Variants in CDH23 observed in about 807,000 individuals in gnomAD.
CDH23 encodes the protein cadherin-23.
In CDH23, 189 loss-of-function variants were observed where a neutral mutation model predicts 317.1. The observed-to-expected ratio is 0.60, with a 90% confidence interval of 0.53 to 0.67. The LOEUF is 0.67. CDH23 is among the 30% of genes least tolerant of loss of function. The pLI is 0.00. For missense variants in CDH23, 4,401 were observed against 4,592.4 expected (o/e 0.96, Z 1.20); for synonymous variants, 1,839 against 1,876.8 (o/e 0.98, Z 0.52).
At chr10:71,556,516 G>C (rs905650373) in intron 6 of CDH23, among the ~76,000 whole-genome samples, 4 of 151,908 alleles carry the variant, frequency 2.6e-5, no homozygotes, top group Admixed American at 2.6e-4. Flanking sequence ...CAGGAGAATT[G>C]CTTGAACCTG....
Position 71,580,092 on chromosome 10 carries a change from C to G in CDH23, c.832+2100C>G, listed in dbSNP as rs146988319. Among the ~76,000 whole-genome samples the G allele has an allele frequency of 1.0e-3, 154 of 152,342 alleles. 1 individual carries two copies. The East Asian group carries it at 0.026, about 26-fold the overall frequency. ...CCATCCTCCAGGGCGCTGGCCCATT[C>G]CAGGTTCATGCTGGGTGCCAGGCTG... On this transcript the variant is annotated intron_variant, in intron 9 of 69. Transcript: ENST00000224721.
At chr10:71,585,817 T>A (rs957676736) in intron 9 of CDH23, among the ~76,000 whole-genome samples, 1 of 152,232 alleles carries the variant, frequency 6.6e-6, no homozygotes, top group African/African-American at 2.4e-5. Context: ...TGATTCCCTG[T>A]TCTTCCTCTC....
At chr10:71,604,303 G>T (rs1170703046) in intron 9 of CDH23, among the ~76,000 whole-genome samples, 1 of 152,112 alleles carries the variant, frequency 6.6e-6, no homozygotes, top group Non-Finnish European at 1.5e-5. Flanking sequence ...TAAATAAAAA[G>T]AATTTTAAAA....
chr10:71,667,249 C>T (rs2132646684), intron 14 of CDH23, among the ~76,000 whole-genome samples: 1 of 152,252 alleles, frequency 6.6e-6, no homozygotes, highest in East Asian at 1.9e-4. Flanking sequence ...CTGTGGTCTG[C>T]AGGGACAGAC....
At chr10:71,653,534 C>T (rs920529239) in intron 14 of CDH23, among the ~76,000 whole-genome samples, 2 of 152,230 alleles carry the variant, frequency 1.3e-5, no homozygotes, top group Admixed American at 1.3e-4. Context: ...AGTTCACTGC[C>T]TGTCTTAGTC....
chr10:71,788,059 T>A (rs1399672257), intron 44 of CDH23, among the ~76,000 whole-genome samples: 1 of 152,216 alleles, frequency 6.6e-6, no homozygotes, highest in African/African-American at 2.4e-5. Flanking sequence ...TCTGTTGTTT[T>A]TTTCTTGAGA....
At chr10:71,660,626 A>T (rs75120642) in intron 14 of CDH23, among the ~76,000 whole-genome samples, 3 of 152,120 alleles carry the variant, frequency 2.0e-5, no homozygotes, top group African/African-American at 7.2e-5. Context: ...TTCGTCTCAC[A>T]TGGCTGTGCT....
intron 3 of CDH23, among the ~76,000 whole-genome samples, chr10:71,471,463 C>T (rs939865830): frequency 3.9e-5 from 6 of 152,146 alleles, no homozygotes; most frequent in Non-Finnish European, 7.3e-5. Context: ...TTCCCAGGCA[C>T]GCACCCTCTG....
intron 3 of CDH23, among the ~76,000 whole-genome samples, chr10:71,467,358 C>T (rs966137438): frequency 1.3e-5 from 2 of 152,180 alleles, no homozygotes; most frequent in Admixed American, 6.5e-5. Flanking sequence ...TGGCTGGGCC[C>T]GATCCTCAGA....
At chr10:71,578,280 A>G (rs569933779) in intron 9 of CDH23, among the ~76,000 whole-genome samples, 29 of 152,226 alleles carry the variant, frequency 1.9e-4, no homozygotes, top group Non-Finnish European at 3.5e-4. Context: ...CCAAGGTCTG[A>G]GACGGTTGGG....
chr10:71,810,677 C>A, intron 62 of CDH23, 108 bp downstream of exon 62: 1 of 1,011,754 alleles, frequency 9.9e-7, no homozygotes, highest in Non-Finnish European at 1.5e-6. Flanking sequence ...CACCATCAGG[C>A]CCACTGTGTG....
intron 6 of CDH23, among the ~76,000 whole-genome samples, chr10:71,536,017 C>T (rs919456369): frequency 3.3e-5 from 5 of 152,348 alleles, no homozygotes; most frequent in African/African-American, 7.2e-5. Flanking sequence ...GCTGGTTGCC[C>T]GAGATCTGCA....
At chr10:71,756,951 G>A (rs779980537) in intron 38 of CDH23, among the ~76,000 whole-genome samples, 1 of 152,146 alleles carries the variant, frequency 6.6e-6, no homozygotes, top group Non-Finnish European at 1.5e-5. Flanking sequence ...AGTCACTTTA[G>A]AAGTACCCAC....
At chr10:71,482,260 C>T (rs1852107695) in intron 3 of CDH23, among the ~76,000 whole-genome samples, 1 of 152,166 alleles carries the variant, frequency 6.6e-6, no homozygotes, top group Non-Finnish European at 1.5e-5. Context: ...CTCTTTCCCT[C>T]CCCTTCTCTC....
chr10:71,585,231 C>CT (rs1386207749), intron 9 of CDH23, among the ~76,000 whole-genome samples: 2 of 152,126 alleles, frequency 1.3e-5, no homozygotes, highest in African/African-American at 4.8e-5. Flanking sequence ...CTACTAACGT[C>CT]TGAGTCTAGG....
At chr10:71,724,443 G>A (rs1866716037) in intron 29 of CDH23, among the ~76,000 whole-genome samples, 1 of 152,228 alleles carries the variant, frequency 6.6e-6, no homozygotes, top group South Asian at 2.1e-4. Flanking sequence ...GTCCCCAGTA[G>A]CTGGGACTAC....
intron 38 of CDH23, chr10:71,753,022 G>C: frequency 6.2e-7 from 1 of 1,611,572 alleles, no homozygotes; most frequent in Non-Finnish European, 8.5e-7. Flanking sequence ...GACAGACAGA[G>C]AAGCTGGTCA....
At chr10:71,775,250 G>T (rs551936289) in intron 38 of CDH23, among the ~76,000 whole-genome samples, 9 of 152,248 alleles carry the variant, frequency 5.9e-5, no homozygotes, top group African/African-American at 1.7e-4. Context: ...GTCCCTTAAG[G>T]GCAAGATCCT....
At position 71,702,950 on chromosome 10, in the gene CDH23, G is replaced by T. The variant is rs144410250; in HGVS notation, c.2733+256G>T. Among the ~76,000 whole-genome samples, 474 of 152,318 alleles carry T rather than the reference G, an allele frequency of 3.1e-3. 2 individuals are homozygous for T. Among genetic ancestry groups the T allele is most frequent in the African/African-American group, 0.011 (450 of 41,580 alleles). ...CCAAGTTTCTCAGGGCCTGATTATGGAGGTCTGGCCCAGGACCTTGGACCT... is the reference window on the plus strand; with the variant it reads ...CCAAGTTTCTCAGGGCCTGATTATGTAGGTCTGGCCCAGGACCTTGGACCT... On this transcript the variant is annotated intron_variant, in intron 24 of 69. Transcript: ENST00000224721.
Sources: gnomAD v4.1 joint callset for allele counts (sites outside exome capture counted in the v4.1 genomes callset) on GRCh38, gnomAD v4.1.1 for gene constraint, MANE v1.5 for transcripts, NCBI Gene and HGNC (gene_info 2026-07-23, HGNC 2026-07-21) for gene names.